The following STK32B variants were observed in gnomAD, a reference collection of about 807,000 sequenced individuals.
STK32B encodes the protein serine/threonine kinase 32B.
Under a neutral mutation model 52.6 loss-of-function variants are expected in STK32B, and 43 were observed. The ratio of observed to expected loss-of-function variants is 0.82; its 90% CI spans 0.64 to 1.05. The LOEUF (loss-of-function observed/expected upper bound fraction) is 1.05, where lower values mean the gene tolerates loss of function less well. Among genes scored for constraint, STK32B ranks in the 50% least tolerant of loss-of-function variants. The pLI, the probability that STK32B is intolerant of heterozygous loss-of-function variation, is 0.00. For synonymous variants in STK32B, 238 were observed against 204.3 expected, an observed-to-expected ratio of 1.17 and a Z score of -1.41; for missense variants, 621 against 534.6, an observed-to-expected ratio of 1.16 and a Z score of -1.59.
At chr4:5,309,717 T>C (rs1336602525) in intron 3 of STK32B, among the ~76,000 whole-genome samples, 1 of 152,214 alleles carries the variant, frequency 6.6e-6, no homozygotes, top group Admixed American at 6.6e-5. Context: ...TCTCTCATTA[T>C]ATAAAAACCA....
intron 4 of STK32B, among the ~76,000 whole-genome samples, chr4:5,350,818 C>A (rs1733776772): frequency 6.6e-6 from 1 of 151,678 alleles, no homozygotes; most frequent in Admixed American, 6.6e-5. Context: ...AAAGAAAAAC[C>A]AAAAATAAGC....
intron 6 of STK32B, among the ~76,000 whole-genome samples, chr4:5,429,277 CTTATAT>C (rs1330340587): frequency 6.6e-6 from 1 of 152,116 alleles, no homozygotes; most frequent in African/African-American, 2.4e-5. Context: ...ATTTAGACCA[CTTATAT>C]TTAATATAAT....
chr4:5,326,863 A>G (rs1489069259), intron 3 of STK32B, among the ~76,000 whole-genome samples: 3 of 152,200 alleles, frequency 2.0e-5, no homozygotes, highest in African/African-American at 7.2e-5. Context: ...ATATTTCTCT[A>G]TAGCAAGTGG....
intron 3 of STK32B, among the ~76,000 whole-genome samples, chr4:5,193,511 C>T (rs1487977460): frequency 6.6e-6 from 1 of 152,190 alleles, no homozygotes; most frequent in Non-Finnish European, 1.5e-5. Context: ...TCCCAGGCGC[C>T]GTGGAAGCCT....
intron 4 of STK32B, among the ~76,000 whole-genome samples, chr4:5,390,706 G>T (rs11942373): frequency 0.024 from 3,610 of 152,152 alleles, 112 homozygotes; most frequent in East Asian, 0.081. Context: ...AGGTCTTTAA[G>T]TAGCACAGAC....
intron 4 of STK32B, among the ~76,000 whole-genome samples, chr4:5,338,428 T>C (rs1732850686): frequency 6.6e-6 from 1 of 152,214 alleles, no homozygotes; most frequent in Non-Finnish European, 1.5e-5. Context: ...TAGAGTATGC[T>C]TCTGTTCCTT....
intron 4 of STK32B, among the ~76,000 whole-genome samples, chr4:5,387,531 G>A (rs868102132): frequency 2.5e-4 from 38 of 152,148 alleles, no homozygotes; most frequent in Middle Eastern, 3.2e-3. Context: ...GAGAGGTGAC[G>A]GGTGCAGAGG....
At chr4:5,275,933 G>T (rs1727791286) in intron 3 of STK32B, among the ~76,000 whole-genome samples, 1 of 152,090 alleles carries the variant, frequency 6.6e-6, no homozygotes, top group Admixed American at 6.5e-5. Flanking sequence ...CCTACTAGTA[G>T]AGACCCCAAG....
intron 11 of STK32B, among the ~76,000 whole-genome samples, chr4:5,479,191 C>G (rs1402387225): frequency 6.7e-6 from 1 of 149,540 alleles, no homozygotes; most frequent in Non-Finnish European, 1.5e-5. Flanking sequence ...ATGATCTCGG[C>G]TCACTGCAAC....
chr4:5,172,418 C>G (rs1413185130), intron 3 of STK32B, among the ~76,000 whole-genome samples: 1 of 152,030 alleles, frequency 6.6e-6, no homozygotes, highest in African/African-American at 2.4e-5. Flanking sequence ...CAGTTTTTGT[C>G]CATTCAGTAT....
intron 1 of STK32B, among the ~76,000 whole-genome samples, chr4:5,086,206 G>T (rs2108779291): frequency 6.6e-6 from 1 of 152,306 alleles, no homozygotes; most frequent in East Asian, 1.9e-4. Flanking sequence ...CCTCGAGAAA[G>T]ACTTGAGGAA....
chr4:5,444,185 C>T (rs968490585), intron 6 of STK32B, among the ~76,000 whole-genome samples: 6 of 152,152 alleles, frequency 3.9e-5, no homozygotes, highest in East Asian at 1.9e-4. Context: ...CAATGGCGGG[C>T]GCCCCTCCCC....
chr4:5,122,659 A>G (rs988448823), intron 1 of STK32B, among the ~76,000 whole-genome samples: 1 of 152,112 alleles, frequency 6.6e-6, no homozygotes, highest in South Asian at 2.1e-4. Context: ...TCATTCATTC[A>G]TTCACTCATT....
chr4:5,295,274 G>A (rs949151560), intron 3 of STK32B, among the ~76,000 whole-genome samples: 3 of 152,074 alleles, frequency 2.0e-5, no homozygotes, highest in African/African-American at 7.2e-5. Flanking sequence ...TTTGGTATCA[G>A]GATGATGCCT....
intron 3 of STK32B, among the ~76,000 whole-genome samples, chr4:5,238,522 A>G (rs1192823239): frequency 6.6e-6 from 1 of 152,194 alleles, no homozygotes; most frequent in African/African-American, 2.4e-5. Flanking sequence ...CAGATTACAC[A>G]TGAACATGAC....
chr4:5,315,880 T>C (rs1265489219), intron 3 of STK32B, among the ~76,000 whole-genome samples: 1 of 150,870 alleles, frequency 6.6e-6, no homozygotes. Flanking sequence ...AATTTTTGTA[T>C]TTTTAGTAGA....
chr4:5,019,968 G>C, the STK32B span, among the ~76,000 whole-genome samples: 3 of 152,172 alleles, frequency 2.0e-5, no homozygotes, highest in South Asian at 6.2e-4. Flanking sequence ...TCAGGCCACC[G>C]GTGTCCTCGT....
rs537513919 is a variant in STK32B at position 5,102,113 on chromosome 4, T to C, written c.53-37792T>C. 4.6e-5 allele frequency among the ~76,000 whole-genome samples: 7 copies of C among 152,324 alleles called. No individual in the cohort carries two copies. The South Asian group carries it at 1.0e-3, about 23-fold the overall frequency. On this transcript the variant is annotated intron_variant, in intron 1 of 11. Coordinates refer to ENST00000282908, the MANE Select transcript of STK32B (RefSeq NM_018401.3). ...GAGTGAACCAGTCGGATGATCCCTG[T>C]CCTTTCCTGGTAGAACCCCCTCATA...
At chr4:5,205,775 T>G (rs1722537101) in intron 3 of STK32B, among the ~76,000 whole-genome samples, 1 of 151,906 alleles carries the variant, frequency 6.6e-6, no homozygotes, top group African/African-American at 2.4e-5. Flanking sequence ...GATTGGGCAA[T>G]GCCCATGTTC....
Sources: allele counts gnomAD v4.1 joint callset (sites outside exome capture counted in the v4.1 genomes callset), GRCh38; gene constraint gnomAD v4.1.1; transcripts MANE v1.5; gene names NCBI Gene and HGNC (gene_info 2026-07-23, HGNC 2026-07-21).